The following TRERF1 variants were observed in gnomAD, a reference collection of about 807,000 sequenced individuals.
The protein encoded by TRERF1 is transcriptional-regulating factor 1.
In TRERF1, 27 loss-of-function variants were observed where a neutral mutation model predicts 122.9. That is an observed-to-expected ratio of 0.22 (90% CI 0.16 to 0.30). The LOEUF (loss-of-function observed/expected upper bound fraction) is 0.30. TRERF1 is among the 10% of genes least tolerant of loss of function. TRERF1 has a pLI of 1.00. For missense variants in TRERF1, 1,248 were observed against 1,560.3 expected, an observed-to-expected ratio of 0.80 and a Z score of 3.37; for synonymous variants, 636 against 641.7, an observed-to-expected ratio of 0.99 and a Z score of 0.13.
chr6:42,240,795 C>T (rs1773504827), intron 15 of TRERF1, among the ~76,000 whole-genome samples: 1 of 152,186 alleles, frequency 6.6e-6, no homozygotes, highest in African/African-American at 2.4e-5. Flanking sequence ...ATTTAACATC[C>T]CGGGTTACCC....
chr6:42,329,176 T>C (rs937837380), intron 3 of TRERF1, among the ~76,000 whole-genome samples: 8 of 151,966 alleles, frequency 5.3e-5, no homozygotes, highest in Non-Finnish European at 1.2e-4. Context: ...CACTCCCACT[T>C]AGGCTCAATT....
At chr6:42,258,016 C>T in intron 10 of TRERF1, 119 bp downstream of exon 10, 3 of 864,160 alleles carry the variant, frequency 3.5e-6, no homozygotes, top group Non-Finnish European at 3.6e-6. Flanking sequence ...AAGAAATAAC[C>T]ACGATCCTAC....
intron 2 of TRERF1, among the ~76,000 whole-genome samples, chr6:42,365,766 C>T (rs1440274089): frequency 6.6e-6 from 1 of 152,228 alleles, no homozygotes; most frequent in Non-Finnish European, 1.5e-5. Context: ...AAGTCCTCAA[C>T]ATTTCATTCC....
intron 3 of TRERF1, among the ~76,000 whole-genome samples, chr6:42,313,311 A>G (rs1761974609): frequency 6.6e-6 from 1 of 152,190 alleles, no homozygotes; most frequent in Non-Finnish European, 1.5e-5. Flanking sequence ...TATTCATATT[A>G]TTCACGATAC....
intron 4 of TRERF1, among the ~76,000 whole-genome samples, chr6:42,299,902 T>C (rs1377153262): frequency 6.6e-6 from 1 of 152,198 alleles, no homozygotes; most frequent in Non-Finnish European, 1.5e-5. Context: ...GAATGAATGA[T>C]TCTCTACTGA....
intron 2 of TRERF1, among the ~76,000 whole-genome samples, chr6:42,392,532 ACTG>A (rs1777916250): frequency 6.6e-6 from 1 of 152,174 alleles, no homozygotes; most frequent in African/African-American, 2.4e-5. Context: ...AGGCTAACTA[ACTG>A]AAATTCTGTG....
At chr6:42,265,727 C>T (rs1284552600) in intron 6 of TRERF1, 24 bp downstream of exon 6, 4 of 1,610,960 alleles carry the variant, frequency 2.5e-6, no homozygotes, top group African/African-American at 2.7e-5. Flanking sequence ...TCCCAAAATA[C>T]CAACAAGGTT....
intron 2 of TRERF1, among the ~76,000 whole-genome samples, chr6:42,368,526 G>A (rs1037173180): frequency 6.6e-6 from 1 of 152,150 alleles, no homozygotes; most frequent in Non-Finnish European, 1.5e-5. Context: ...ATTTAGATCC[G>A]ATAAAGCTTC....
chr6:42,268,038 G>C lies in TRERF1; in HGVS notation c.1437+116C>G, dbSNP rs1308071143. The C allele has an allele frequency of 3.2e-6, 4 of 1,244,666 alleles. No individual in the cohort carries two copies. The East Asian group carries it at 8.0e-5, about 25-fold the overall frequency. The allele number at this position is 1,244,666 out of a possible 1,614,324, so 77.1% of individuals were successfully genotyped here. On this transcript the variant is annotated intron_variant, in intron 5 of 17. Coordinates refer to ENST00000372922, the Ensembl canonical transcript of TRERF1. This position sits in a 1 kb window ranked among gnomAD's most constrained non-coding sequence, Gnocchi z 4.4. ...TGACACATGTAGGTTAATGTTTGTG[G>C]AATTAGTAAAGAACAAAAGGGTTGA...
chr6:42,436,800 CAAA>C (rs775861205), intron 2 of TRERF1, among the ~76,000 whole-genome samples: 1,042 of 77,380 alleles, frequency 0.013, 8 homozygotes, highest in Middle Eastern at 0.028. Context: ...TCTCCCTCTA[CAAA>C]AAAAAAAAAA....
chr6:42,418,244 G>GT (rs1782179469), intron 2 of TRERF1, among the ~76,000 whole-genome samples: 1 of 50,750 alleles, frequency 2.0e-5, no homozygotes, highest in Non-Finnish European at 4.2e-5. Context: ...TTTTGAGATG[G>GT]AGTTTTGCTC....
chr6:42,450,776 G>C (rs2151854779), intron 2 of TRERF1, among the ~76,000 whole-genome samples: 1 of 152,248 alleles, frequency 6.6e-6, no homozygotes, highest in South Asian at 2.1e-4. Context: ...CTAACTTCTG[G>C]GGAGTACCCA....
chr6:42,426,740 G>T (rs915345606), intron 2 of TRERF1, among the ~76,000 whole-genome samples: 3 of 152,184 alleles, frequency 2.0e-5, no homozygotes, highest in African/African-American at 7.2e-5. Flanking sequence ...ATCTGTGACT[G>T]CTTTTGTGCT....
rs1001056838 is a variant in TRERF1 at position 42,232,555 on chromosome 6, G to A, written c.3278+126C>T. 7 of 1,252,686 alleles carry A rather than the reference G, an allele frequency of 5.6e-6. No homozygotes were observed. Among genetic ancestry groups the A allele is most frequent in the East Asian group, 2.6e-5 (1 of 38,596 alleles). 77.6% of individuals were successfully genotyped at this position (1,252,686 alleles called of 1,614,324 possible). On this transcript the variant is annotated intron_variant, in intron 17 of 17. Coordinates refer to ENST00000372922, the Ensembl canonical transcript of TRERF1. This position sits in a 1 kb window ranked among gnomAD's most constrained non-coding sequence, Gnocchi z 4.5. ...TACATACCCATCCCAAAGATGACACGAAGAAGAGTTTTGAGGTCTAAGTTC... is the reference window on the plus strand; with the variant it reads ...TACATACCCATCCCAAAGATGACACAAAGAAGAGTTTTGAGGTCTAAGTTC...
intron 10 of TRERF1, among the ~76,000 whole-genome samples, chr6:42,257,782 T>C (rs932382361): frequency 3.9e-5 from 6 of 152,146 alleles, no homozygotes; most frequent in South Asian, 2.1e-4. Flanking sequence ...TGGCCAAGAA[T>C]TGGGGAGGAG....
intron 3 of TRERF1, among the ~76,000 whole-genome samples, chr6:42,332,386 T>C (rs1293862333): frequency 6.6e-6 from 1 of 151,870 alleles, no homozygotes; most frequent in East Asian, 1.9e-4. Flanking sequence ...AGAAAACAAC[T>C]CAGAAAACAG....
intron 4 of TRERF1, among the ~76,000 whole-genome samples, chr6:42,280,457 GCTCGT>G (rs1248328557): frequency 6.6e-6 from 1 of 152,152 alleles, no homozygotes; most frequent in Non-Finnish European, 1.5e-5. Context: ...TTGCTCACTT[GCTCGT>G]CTCCGGGACT....
At chr6:42,255,855 G>A (rs547842382) in intron 12 of TRERF1, among the ~76,000 whole-genome samples, 3 of 152,282 alleles carry the variant, frequency 2.0e-5, no homozygotes, top group African/African-American at 7.2e-5. Context: ...ATGAGGCTGG[G>A]TGCGGTGGTC....
rs536427222 is a variant in TRERF1, at chr6:42,417,424, G to A, written c.-454+33753C>T. Among the ~76,000 whole-genome samples, 27 of 152,284 alleles carry A rather than the reference G, an allele frequency of 1.8e-4. No individual in the cohort carries two copies. The South Asian group carries it at 1.9e-3, about 11-fold the overall frequency. ...CCACCAGGCACCCGGCAGAGGCTGA[G>A]GCACCTGTTATACACCGGTCCTGCC... On this transcript the variant is annotated intron_variant, in intron 2 of 17. Coordinates refer to ENST00000372922, the Ensembl canonical transcript of TRERF1.
Sources: allele counts gnomAD v4.1 joint callset (sites outside exome capture counted in the v4.1 genomes callset), GRCh38; gene constraint gnomAD v4.1.1; non-coding constraint Gnocchi (gnomAD v3.1); transcripts MANE v1.5; gene names NCBI Gene and HGNC (gene_info 2026-07-23, HGNC 2026-07-21).